SLC14A2: variants seen among roughly 807,000 people sequenced by gnomAD.
SLC14A2 encodes the protein urea transporter 2.
Under a neutral mutation model 104.6 loss-of-function variants are expected in SLC14A2, and 91 were observed. The observed-to-expected ratio is 0.87, with a 90% CI of 0.73 to 1.04. The LOEUF is 1.04. SLC14A2 is among the 50% of genes least tolerant of loss of function. SLC14A2 has a pLI of 0.00. For synonymous variants in SLC14A2, 476 were observed against 466.4 expected (o/e 1.02, Z -0.27); for missense variants, 1,189 against 1,156.0 (o/e 1.03, Z -0.41).
At chr18:45,479,543 C>T (rs2087452221) in intron 1 of SLC14A2, among the ~76,000 whole-genome samples, 1 of 152,178 alleles carries the variant, frequency 6.6e-6, no homozygotes, top group South Asian at 2.1e-4. Context: ...TGTCAGCATA[C>T]TACTCTCACT....
At chr18:45,498,794 A>G (rs1037017661) in intron 2 of SLC14A2, among the ~76,000 whole-genome samples, 5 of 152,112 alleles carry the variant, frequency 3.3e-5, no homozygotes, top group African/African-American at 4.8e-5. Context: ...CTGGCATTCC[A>G]TCTCTCCACT....
At chr18:45,320,547 G>A (rs59483101) in intron 1 of SLC14A2, among the ~76,000 whole-genome samples, 2,450 of 152,254 alleles carry the variant, frequency 0.016, 72 homozygotes, top group African/African-American at 0.056. Flanking sequence ...GACTGGGGCT[G>A]ACACCTTGCA....
At chr18:45,392,660 A>T (rs1372617317) in intron 1 of SLC14A2, among the ~76,000 whole-genome samples, 1 of 152,234 alleles carries the variant, frequency 6.6e-6, no homozygotes, top group Non-Finnish European at 1.5e-5. Flanking sequence ...ATATACCTAT[A>T]TTTAGTGCAA....
chr18:45,274,551 C>T (rs188921336), intron 1 of SLC14A2, among the ~76,000 whole-genome samples: 4 of 152,268 alleles, frequency 2.6e-5, no homozygotes, highest in Admixed American at 1.3e-4. Flanking sequence ...CATCTTGTTA[C>T]GCTGCCTTTG....
At chr18:45,231,228 AGTC>A (rs2084171592) in intron 1 of SLC14A2, among the ~76,000 whole-genome samples, 1 of 150,052 alleles carries the variant, frequency 6.7e-6, no homozygotes, top group African/African-American at 2.4e-5. Flanking sequence ...TTTGAGGTGG[AGTC>A]TTGTTGTATC....
At chr18:45,415,963 G>A (rs884737) in intron 1 of SLC14A2, among the ~76,000 whole-genome samples, 5,209 of 152,132 alleles carry the variant, frequency 0.034, 295 homozygotes, top group African/African-American at 0.12. Context: ...TGCTAACTGC[G>A]CCAAGGGAAA....
chr18:45,391,635 G>A (rs891636110), intron 1 of SLC14A2, among the ~76,000 whole-genome samples: 21 of 152,228 alleles, frequency 1.4e-4, no homozygotes, highest in African/African-American at 3.4e-4. Context: ...GTGTGAGATG[G>A]TATCTCATTG....
the SLC14A2 span, among the ~76,000 whole-genome samples, chr18:45,202,755 A>T: frequency 6.6e-6 from 1 of 152,086 alleles, no homozygotes; most frequent in African/African-American, 2.4e-5. Flanking sequence ...CCTGAGTTTC[A>T]TCATAAAGTA....
chr18:45,485,042 T>C (rs1266888218), intron 2 of SLC14A2: 1 of 152,178 alleles, frequency 6.6e-6, no homozygotes, highest in East Asian at 1.9e-4. Flanking sequence ...AAAGATAAAA[T>C]CATAACATCT....
chr18:45,284,932 G>A (rs1338106975), intron 1 of SLC14A2, among the ~76,000 whole-genome samples: 5 of 152,082 alleles, frequency 3.3e-5, no homozygotes, highest in Admixed American at 2.0e-4. Flanking sequence ...TGCATGGCCT[G>A]TTCAGAAGAG....
intron 2 of SLC14A2, among the ~76,000 whole-genome samples, chr18:45,625,035 C>T (rs184074635): frequency 1.8e-3 from 272 of 152,330 alleles, no homozygotes; most frequent in African/African-American, 6.3e-3. Flanking sequence ...GACACTCACT[C>T]ACCAGTCTTT....
At chr18:45,180,894 A>G in the SLC14A2 span, 1 of 152,216 alleles carries the variant, frequency 6.6e-6, no homozygotes. Context: ...TGAATAGAAA[A>G]TGGGAAGCAA....
intron 1 of SLC14A2, among the ~76,000 whole-genome samples, chr18:45,271,346 G>A (rs2084648925): frequency 6.6e-6 from 1 of 152,114 alleles, no homozygotes; most frequent in African/African-American, 2.4e-5. Context: ...GATTCTAGGA[G>A]CTAAAAGATC....
intron 2 of SLC14A2, among the ~76,000 whole-genome samples, chr18:45,532,683 C>A (rs1001206771): frequency 6.6e-6 from 1 of 151,906 alleles, no homozygotes; most frequent in Non-Finnish European, 1.5e-5. Flanking sequence ...ATTGAATACC[C>A]TTTATTTCCT....
chr18:45,556,391 T>A (rs942447997), intron 2 of SLC14A2, among the ~76,000 whole-genome samples: 1 of 152,148 alleles, frequency 6.6e-6, no homozygotes, highest in Non-Finnish European at 1.5e-5. Context: ...ATGGAAGGAA[T>A]CTTATCAAAC....
chr18:45,414,850 T>C (rs2086259195), intron 1 of SLC14A2, among the ~76,000 whole-genome samples: 1 of 146,302 alleles, frequency 6.8e-6, no homozygotes, highest in African/African-American at 2.5e-5. Flanking sequence ...GCAAGTAACT[T>C]TTGTAATTCC....
At chr18:45,270,508 T>C (rs2084640715) in intron 1 of SLC14A2, among the ~76,000 whole-genome samples, 1 of 152,084 alleles carries the variant, frequency 6.6e-6, no homozygotes, top group Non-Finnish European at 1.5e-5. Context: ...AACTTTATTT[T>C]ATAGACCAAG....
chr18:45,224,405 G>A (rs758315845), intron 1 of SLC14A2, among the ~76,000 whole-genome samples: 7 of 152,222 alleles, frequency 4.6e-5, no homozygotes, highest in Non-Finnish European at 1.0e-4. Flanking sequence ...TCAGGTGCCA[G>A]GTTGGAGGCC....
Position 45,674,446 on chromosome 18 carries a change from T to A in SLC14A2, c.2512+629T>A, listed in dbSNP as rs557067288. ...TCTGGATCAGCTATGGCCACATATTTGTTTCCTTAAGATAATTTGTAGATA... is the reference window on the plus strand; with the variant it reads ...TCTGGATCAGCTATGGCCACATATTAGTTTCCTTAAGATAATTTGTAGATA... On this transcript the variant is annotated intron_variant, in intron 18 of 19. Transcript: ENST00000255226. Among the ~76,000 whole-genome samples, 226 of 152,344 alleles carry A rather than the reference T, an allele frequency of 1.5e-3. 1 individual carries two copies. The highest frequency in any genetic ancestry group is 2.5e-3 in the Non-Finnish European group (167 of 68,034).
Sources: gnomAD v4.1 joint callset for allele counts (sites outside exome capture counted in the v4.1 genomes callset) on GRCh38, gnomAD v4.1.1 for gene constraint, MANE v1.5 for transcripts, NCBI Gene and HGNC (gene_info 2026-07-23, HGNC 2026-07-21) for gene names.